Variants in PDZRN4 observed in about 807,000 individuals in gnomAD.
PDZRN4 encodes the protein PDZ domain containing ring finger 4, also known as PDZ domain-containing RING finger protein 4.
A neutral mutation model predicts 99.0 loss-of-function variants in PDZRN4; 70 were observed. The ratio of observed to expected loss-of-function variants is 0.71; its 90% CI spans 0.58 to 0.86. The LOEUF (loss-of-function observed/expected upper bound fraction) is 0.86, where lower values mean the gene tolerates loss of function less well. PDZRN4 is among the 40% of genes least tolerant of loss of function. The pLI is 0.00. For synonymous variants in PDZRN4, 551 were observed against 501.6 expected (o/e 1.10, Z -1.32); for missense variants, 1,474 against 1,331.2 (o/e 1.11, Z -1.67).
chr12:41,456,706 AATGGTCACTGG>A (rs1421131782), intron 3 of PDZRN4, among the ~76,000 whole-genome samples: 3 of 152,208 alleles, frequency 2.0e-5, no homozygotes, highest in African/African-American at 7.2e-5. Flanking sequence ...CCACATAATG[AATGGTCACTGG>A]ATCACCTGAG....
intron 3 of PDZRN4, among the ~76,000 whole-genome samples, chr12:41,237,982 T>C (rs189939397): frequency 7.2e-5 from 11 of 152,288 alleles, no homozygotes; most frequent in Admixed American, 4.6e-4. Flanking sequence ...AATTTTAAAA[T>C]AGTTTTTTTT....
chr12:41,453,754 G>T (rs113051368), intron 3 of PDZRN4, among the ~76,000 whole-genome samples: 2 of 151,854 alleles, frequency 1.3e-5, no homozygotes, highest in Non-Finnish European at 2.9e-5. Context: ...TGTGCCCTTC[G>T]ATTGATTATT....
chr12:41,262,187 T>A (rs560387315), intron 3 of PDZRN4, among the ~76,000 whole-genome samples: 2 of 152,316 alleles, frequency 1.3e-5, no homozygotes, highest in East Asian at 3.9e-4. Flanking sequence ...TTTTTCCATT[T>A]CCCAGTGGTG....
intron 3 of PDZRN4, among the ~76,000 whole-genome samples, chr12:41,493,398 CA>C (rs1375529401): frequency 6.6e-6 from 1 of 152,084 alleles, no homozygotes; most frequent in African/African-American, 2.4e-5. Context: ...CCCACTCTTC[CA>C]AATAAAGCTA....
chr12:41,387,062 A>C (rs976432793), intron 3 of PDZRN4, among the ~76,000 whole-genome samples: 1 of 152,206 alleles, frequency 6.6e-6, no homozygotes, highest in African/African-American at 2.4e-5. Flanking sequence ...AGGCACGAGC[A>C]ATGATTTTAT....
rs985273579 is a variant in PDZRN4, at chr12:41,424,872, C to T, written c.844-81584C>T. Among the ~76,000 whole-genome samples, 7 of 152,200 alleles carry T rather than the reference C, an allele frequency of 4.6e-5. No individual in the cohort carries two copies. In the South Asian group the frequency reaches 1.2e-3, roughly 27 times the overall value. ...AGAGCAGCAGATGTAAGAGGCCAGG[C>T]CTGACAATGCTCTTGCACTTCTGCC... On this transcript the variant is annotated intron_variant, in intron 3 of 9. Coordinates refer to ENST00000402685, the MANE Select transcript of PDZRN4 (RefSeq NM_001164595.2).
chr12:41,404,465 T>C (rs1287803576), intron 3 of PDZRN4, among the ~76,000 whole-genome samples: 1 of 152,054 alleles, frequency 6.6e-6, no homozygotes, highest in Admixed American at 6.6e-5. Flanking sequence ...GTGAAAGCCC[T>C]ATACAAGGAA....
chr12:41,559,264 G>T (rs1348020180), intron 7 of PDZRN4, among the ~76,000 whole-genome samples: 1 of 152,042 alleles, frequency 6.6e-6, no homozygotes, highest in Non-Finnish European at 1.5e-5. Flanking sequence ...GAGAAACCAG[G>T]AACCAACTTC....
chr12:41,384,652 T>G (rs1952153988), intron 3 of PDZRN4, among the ~76,000 whole-genome samples: 1 of 152,154 alleles, frequency 6.6e-6, no homozygotes, highest in African/African-American at 2.4e-5. Flanking sequence ...ATTTCTTGGC[T>G]TGTGAGGCCC....
chr12:41,245,954 C>T (rs775818444), intron 3 of PDZRN4, among the ~76,000 whole-genome samples: 4 of 152,062 alleles, frequency 2.6e-5, no homozygotes, highest in African/African-American at 9.7e-5. Context: ...CTGGGGAAAG[C>T]GAAGGATCTT....
At chr12:41,239,281 T>C (rs940412534) in intron 3 of PDZRN4, among the ~76,000 whole-genome samples, 1 of 151,994 alleles carries the variant, frequency 6.6e-6, no homozygotes, top group Non-Finnish European at 1.5e-5. Context: ...CATGGACACA[T>C]GCGGGCTGAA....
At chr12:41,350,033 G>A (rs1395657708) in intron 3 of PDZRN4, among the ~76,000 whole-genome samples, 1 of 152,022 alleles carries the variant, frequency 6.6e-6, no homozygotes, top group Non-Finnish European at 1.5e-5. Flanking sequence ...GAAAGTTGTT[G>A]ATAAGGCTTG....
At chr12:41,451,385 AT>A (rs1158161237) in intron 3 of PDZRN4, among the ~76,000 whole-genome samples, 1 of 152,194 alleles carries the variant, frequency 6.6e-6, no homozygotes, top group Non-Finnish European at 1.5e-5. Context: ...GTGACTGCAC[AT>A]TTTTGTTCAG....
At chr12:41,281,548 A>AGCACAAGAACTTCGCAAAGCAT (rs1951385962) in intron 3 of PDZRN4, among the ~76,000 whole-genome samples, 2 of 152,246 alleles carry the variant, frequency 1.3e-5, no homozygotes, top group East Asian at 3.8e-4. Flanking sequence ...TGAAAAACAT[A>AGCACAAGAACTTCGCAAAGCAT]GCACAAGAAC....
intron 3 of PDZRN4, among the ~76,000 whole-genome samples, chr12:41,456,954 T>G (rs921988066): frequency 6.6e-6 from 1 of 152,120 alleles, no homozygotes; most frequent in Non-Finnish European, 1.5e-5. Context: ...CATGCCTAAG[T>G]TTGCAGCCAT....
chr12:41,492,088 C>T (rs1937898010), intron 3 of PDZRN4, among the ~76,000 whole-genome samples: 1 of 152,104 alleles, frequency 6.6e-6, no homozygotes, highest in African/African-American at 2.4e-5. Flanking sequence ...GCATGTTCTT[C>T]AATATGTACA....
intron 4 of PDZRN4, among the ~76,000 whole-genome samples, chr12:41,509,397 T>C (rs994638101): frequency 6.6e-6 from 1 of 152,206 alleles, no homozygotes. Flanking sequence ...CAGCTGTGGA[T>C]TATGAAATTG....
intron 5 of PDZRN4, among the ~76,000 whole-genome samples, chr12:41,513,136 C>T (rs1294489949): frequency 6.6e-6 from 1 of 152,046 alleles, no homozygotes; most frequent in Non-Finnish European, 1.5e-5. Context: ...CAAAACAGAT[C>T]TGACTATCTT....
intron 3 of PDZRN4, among the ~76,000 whole-genome samples, chr12:41,502,544 A>G (rs1376207436): frequency 2.0e-5 from 3 of 152,208 alleles, no homozygotes; most frequent in South Asian, 2.1e-4. Flanking sequence ...AACCATATTC[A>G]TATTTTCTCC....
Sources: allele counts gnomAD v4.1 joint callset (sites outside exome capture counted in the v4.1 genomes callset), GRCh38; gene constraint gnomAD v4.1.1; transcripts MANE v1.5; gene names NCBI Gene and HGNC (gene_info 2026-07-23, HGNC 2026-07-21).